The following NUP98 variants were observed in gnomAD, a reference collection of about 807,000 sequenced individuals.
NUP98 encodes the protein nuclear pore complex protein Nup98-Nup96.
Under a neutral mutation model 191.9 loss-of-function variants are expected in NUP98, and 26 were observed. That is an observed-to-expected ratio of 0.14 (90% CI 0.10 to 0.19). The LOEUF (loss-of-function observed/expected upper bound fraction) is 0.19, where lower values mean the gene tolerates loss of function less well. Ranked by LOEUF, NUP98 falls within the 10% of genes least tolerant of loss-of-function variation. The pLI is 1.00. For missense variants in NUP98, 1,941 were observed against 2,178.8 expected (o/e 0.89, Z 2.17); for synonymous variants, 808 against 778.4 (o/e 1.04, Z -0.63).
At chr11:3,734,703 G>T (rs1232636049) in intron 13 of NUP98, among the ~76,000 whole-genome samples, 1 of 152,108 alleles carries the variant, frequency 6.6e-6, no homozygotes, top group Non-Finnish European at 1.5e-5. Context: ...TAAGATTTTG[G>T]TTATGCCACT....
intron 10 of NUP98, among the ~76,000 whole-genome samples, chr11:3,755,943 A>G (rs2080944835): frequency 6.6e-6 from 1 of 152,244 alleles, no homozygotes; most frequent in South Asian, 2.1e-4. Flanking sequence ...AGCCTGGGTG[A>G]CAGAGAAAGA....
At chr11:3,729,431 T>C (rs935580607) in intron 14 of NUP98, among the ~76,000 whole-genome samples, 7 of 149,758 alleles carry the variant, frequency 4.7e-5, no homozygotes, top group African/African-American at 7.4e-5. Flanking sequence ...AGACGGTTGA[T>C]AGGTAGCTGG....
At chr11:3,678,901 C>T (rs1007238588) in intron 31 of NUP98, among the ~76,000 whole-genome samples, 2 of 152,076 alleles carry the variant, frequency 1.3e-5, no homozygotes, top group Non-Finnish European at 2.9e-5. Flanking sequence ...GTGGGCCGAT[C>T]ACTTGAGGCC....
intron 11 of NUP98, among the ~76,000 whole-genome samples, chr11:3,747,244 A>T (rs2080540597): frequency 6.6e-6 from 1 of 152,196 alleles, no homozygotes; most frequent in Non-Finnish European, 1.5e-5. Context: ...CTCCAAAGAA[A>T]ATCAAGAAAA....
chr11:3,759,630 T>C (rs2081096547), intron 10 of NUP98, among the ~76,000 whole-genome samples: 2 of 151,938 alleles, frequency 1.3e-5, no homozygotes, highest in Admixed American at 6.6e-5. Flanking sequence ...TAAAATAATA[T>C]CATCATGTTC....
chr11:3,702,311 ACACTCTCTCTCTCTCTCTCTCTCTCTCT>A lies in NUP98; in HGVS notation c.3512+124_3512+151del, dbSNP rs1176560155. The A allele has an allele frequency of 1.8e-3, 771 of 423,972 alleles. 3 individuals are homozygous for A. The highest frequency in any genetic ancestry group is 2.2e-3 in the Non-Finnish European group (532 of 242,800). 26.3% of individuals were successfully genotyped at this position (423,972 alleles called of 1,614,324 possible). A position where few individuals can be genotyped will look rare whatever the true frequency, so the allele number is the denominator to read the frequency against. Reference sequence around the variant, plus strand: ...CACACACACACACACACACACACACACACTCTCTCTCTCTCTCTCTCTCTCTCTCTCTCTCTCTCTCTCTCTCTCTCTC... The same window carrying A: ...CACACACACACACACACACACACACACTCTCTCTCTCTCTCTCTCTCTCTC... On this transcript the variant is annotated intron_variant, in intron 23 of 32. Transcript: ENST00000324932.
chr11:3,771,665 A>T (rs1051359300), intron 7 of NUP98, 83 bp downstream of exon 7: 1 of 1,211,786 alleles, frequency 8.3e-7, no homozygotes, highest in African/African-American at 1.5e-5. Flanking sequence ...TCTCCATAGC[A>T]CTTATCCCAA....
intron 18 of NUP98, 105 bp from the exon 19 acceptor site, chr11:3,714,100 T>C: frequency 8.8e-7 from 1 of 1,131,948 alleles, no homozygotes; most frequent in Non-Finnish European, 1.3e-6. Flanking sequence ...GTAACTATGC[T>C]GCCTTGGAAT....
At chr11:3,702,309 ACACACTCTCTCTCTCTCTCTCTCTCTCT>A (rs1231214367) in intron 23 of NUP98, among the ~76,000 whole-genome samples, 126 bp downstream of exon 23, 19 of 53,756 alleles carry the variant, frequency 3.5e-4, no homozygotes, top group African/African-American at 1.0e-3. Context: ...ACACACACAC[ACACACTCTCTCTCTCTCTCTCTCTCTCT>A]CTCTCTCTCT....
chr11:3,700,959 T>G (rs1197981378), intron 23 of NUP98, 120 bp from the exon 24 acceptor site: 4 of 715,262 alleles, frequency 5.6e-6, no homozygotes, highest in Non-Finnish European at 9.1e-6. Flanking sequence ...CATTTCACTG[T>G]AGTTTTAAAG....
rs367831825 is a variant in NUP98 at position 3,793,862 on chromosome 11, G to A, written c.-29+3538C>T. Among the ~76,000 whole-genome samples, 293 of 152,034 alleles carry A rather than the reference G, an allele frequency of 1.9e-3. 2 individuals carry two copies. Among genetic ancestry groups the A allele is most frequent in the African/African-American group, 6.5e-3 (269 of 41,482 alleles). On this transcript the variant is annotated intron_variant, in intron 1 of 32. Coordinates refer to ENST00000324932, the MANE Select transcript of NUP98 (RefSeq NM_016320.5). ...GCACGCACCTGTAATCCAGCTACTC[G>A]GGAGGCTGAGGCAAGAGAATTGCTT...
chr11:3,700,091 C>T (rs560314050), intron 24 of NUP98, among the ~76,000 whole-genome samples: 1 of 152,144 alleles, frequency 6.6e-6, no homozygotes, highest in East Asian at 1.9e-4. Context: ...CTCGATGGCT[C>T]ACGCCTGTAA....
intron 29 of NUP98, among the ~76,000 whole-genome samples, chr11:3,685,545 T>C (rs1006887472): frequency 2.0e-5 from 3 of 151,910 alleles, no homozygotes; most frequent in African/African-American, 4.8e-5. Flanking sequence ...AGAATAGTTC[T>C]GATCTGAAAT....
At chr11:3,721,325 C>A (rs1361241629) in intron 16 of NUP98, among the ~76,000 whole-genome samples, 1 of 152,184 alleles carries the variant, frequency 6.6e-6, no homozygotes, top group Non-Finnish European at 1.5e-5. Flanking sequence ...AAACCCAATT[C>A]TTCTTGTTTC....
At chr11:3,715,146 A>G (rs779018930) in intron 18 of NUP98, among the ~76,000 whole-genome samples, 3 of 152,156 alleles carry the variant, frequency 2.0e-5, no homozygotes, top group Non-Finnish European at 4.4e-5. Flanking sequence ...TGGCAGACAC[A>G]TGGCAATTTG....
At chr11:3,709,071 T>C (rs1440127264) in intron 20 of NUP98, among the ~76,000 whole-genome samples, 2 of 152,186 alleles carry the variant, frequency 1.3e-5, no homozygotes, top group African/African-American at 4.8e-5. Context: ...GATACAGCAT[T>C]GCTTAATTCA....
chr11:3,756,870 G>A (rs1484564680), intron 10 of NUP98, among the ~76,000 whole-genome samples: 2 of 146,100 alleles, frequency 1.4e-5, no homozygotes, highest in Non-Finnish European at 3.0e-5. Flanking sequence ...AGCGGATCAC[G>A]AGGTCAGGAG....
At chr11:3,745,836 C>T (rs2080468874) in intron 11 of NUP98, among the ~76,000 whole-genome samples, 1 of 152,064 alleles carries the variant, frequency 6.6e-6, no homozygotes, top group Non-Finnish European at 1.5e-5. Flanking sequence ...ATAATACTTG[C>T]AGGTCAAAAA....
chr11:3,691,195 T>C (rs1313889352), intron 28 of NUP98, 152 bp downstream of exon 28: 1 of 720,446 alleles, frequency 1.4e-6, no homozygotes, highest in African/African-American at 1.8e-5. Flanking sequence ...CTAGTTCTAA[T>C]GCTCTTTCCA....
Sources: allele counts gnomAD v4.1 joint callset (sites outside exome capture counted in the v4.1 genomes callset), GRCh38; gene constraint gnomAD v4.1.1; transcripts MANE v1.5; gene names NCBI Gene and HGNC (gene_info 2026-07-23, HGNC 2026-07-21).